The following UBE2R2 variants were observed in gnomAD, a reference collection of about 807,000 sequenced individuals.
UBE2R2 encodes the protein ubiquitin-conjugating enzyme E2 R2.
UBE2R2 carries 1 observed loss-of-function variant against 27.8 expected under a neutral mutation model. The ratio of observed to expected loss-of-function variants is 0.04; its 90% confidence interval spans 0.01 to 0.17. The LOEUF (loss-of-function observed/expected upper bound fraction) is 0.17, where lower values mean the gene tolerates loss of function less well. Ranked by LOEUF, UBE2R2 falls within the 10% of genes least tolerant of loss-of-function variation. The probability of loss-of-function intolerance (pLI) is 1.00; values close to 1 mark genes in which losing one functional copy is unlikely to be tolerated. For synonymous variants in UBE2R2, 106 were observed against 113.3 expected (o/e 0.94, Z 0.41); for missense variants, 100 against 291.0 (o/e 0.34, Z 4.78).
At chr9:33,870,341 C>T (rs1489421787) in intron 1 of UBE2R2, among the ~76,000 whole-genome samples, 2 of 152,124 alleles carry the variant, frequency 1.3e-5, no homozygotes, top group Non-Finnish European at 1.5e-5. Context: ...TGGGGTTTCA[C>T]CAAGTTGGCC....
Position 33,887,290 on chromosome 9 carries a change from T to C in UBE2R2, c.264+323T>C, listed in dbSNP as rs149558970. On this transcript the variant is annotated intron_variant, in intron 2 of 4. Coordinates refer to ENST00000263228, the MANE Select transcript of UBE2R2 (RefSeq NM_017811.4). ...TAGTAGATAATGTAATATAAATTTATTTGTGTGCCTATCCTCTAACTTCAC... is the reference window on the plus strand; with the variant it reads ...TAGTAGATAATGTAATATAAATTTACTTGTGTGCCTATCCTCTAACTTCAC... 8.5e-5 allele frequency among the ~76,000 whole-genome samples: 13 copies of C among 152,358 alleles called. No homozygotes were observed. In the East Asian group the frequency reaches 2.1e-3, roughly 25 times the overall value.
At chr9:33,890,212 A>G (rs995506859) in intron 2 of UBE2R2, among the ~76,000 whole-genome samples, 26 of 152,198 alleles carry the variant, frequency 1.7e-4, no homozygotes, top group Admixed American at 1.2e-3. Context: ...TTCCATATTC[A>G]TAATGAATTT....
intron 1 of UBE2R2, among the ~76,000 whole-genome samples, chr9:33,842,134 T>C (rs928262060): frequency 1.1e-4 from 16 of 152,154 alleles, no homozygotes; most frequent in Non-Finnish European, 2.1e-4. Flanking sequence ...GCAAAGTGGC[T>C]CATACTTGTA....
At chr9:33,843,397 A>G (rs1820773416) in intron 1 of UBE2R2, among the ~76,000 whole-genome samples, 1 of 151,964 alleles carries the variant, frequency 6.6e-6, no homozygotes, top group Non-Finnish European at 1.5e-5. Flanking sequence ...CTTCATTAGT[A>G]GTAATGCAGC....
intron 1 of UBE2R2, among the ~76,000 whole-genome samples, chr9:33,886,282 T>C (rs1277172772): frequency 1.3e-5 from 2 of 152,232 alleles, no homozygotes; most frequent in African/African-American, 4.8e-5. Flanking sequence ...GAGTACTGTT[T>C]TTCACTTGTG....
At chr9:33,825,283 C>G (rs1431512166) in intron 1 of UBE2R2, among the ~76,000 whole-genome samples, 1 of 146,482 alleles carries the variant, frequency 6.8e-6, no homozygotes, top group Non-Finnish European at 1.5e-5. Context: ...TCTCTGTTAC[C>G]CAAGCTGGAG....
At chr9:33,864,220 A>G (rs1821310290) in intron 1 of UBE2R2, among the ~76,000 whole-genome samples, 1 of 152,170 alleles carries the variant, frequency 6.6e-6, no homozygotes, top group African/African-American at 2.4e-5. Context: ...ACGGAAAGGA[A>G]AAACTTCTTA....
At chr9:33,907,277 CT>C (rs1822376075) in intron 3 of UBE2R2, among the ~76,000 whole-genome samples, 1 of 152,100 alleles carries the variant, frequency 6.6e-6, no homozygotes, top group African/African-American at 2.4e-5. Flanking sequence ...TTTGCCTGTC[CT>C]TTTTTTCTGT....
intron 1 of UBE2R2, among the ~76,000 whole-genome samples, chr9:33,865,254 T>G (rs1407628200): frequency 6.6e-6 from 1 of 151,992 alleles, no homozygotes; most frequent in Non-Finnish European, 1.5e-5. Context: ...CAGGCTGGAG[T>G]GCAGTGGTGC....
intron 1 of UBE2R2, among the ~76,000 whole-genome samples, chr9:33,858,128 C>A (rs1821149224): frequency 6.6e-6 from 1 of 152,156 alleles, no homozygotes; most frequent in Non-Finnish European, 1.5e-5. Context: ...TCACATATCT[C>A]TATATAGTAC....
chr9:33,904,332 G>A (rs1822306279), intron 3 of UBE2R2, among the ~76,000 whole-genome samples: 1 of 152,120 alleles, frequency 6.6e-6, no homozygotes, highest in Non-Finnish European at 1.5e-5. Flanking sequence ...ACTGTCTAAG[G>A]GTTCTGGGCT....
intron 4 of UBE2R2, 35 bp from the exon 5 acceptor site, chr9:33,916,983 T>G: frequency 6.2e-7 from 1 of 1,608,206 alleles, no homozygotes; most frequent in Non-Finnish European, 8.5e-7. Context: ...AAAAAAGACT[T>G]ACCGTAAACC....
chr9:33,910,584 C>T (rs1352143031), intron 3 of UBE2R2, among the ~76,000 whole-genome samples: 1 of 152,228 alleles, frequency 6.6e-6, no homozygotes, highest in Non-Finnish European at 1.5e-5. Flanking sequence ...ATCTAACTTG[C>T]TCACCATTGT....
intron 1 of UBE2R2, among the ~76,000 whole-genome samples, chr9:33,848,514 TTTCAA>T (rs1820893559): frequency 6.6e-6 from 1 of 152,154 alleles, no homozygotes; most frequent in South Asian, 2.1e-4. Context: ...GGGTTACAGT[TTTCAA>T]AAGACTTAGT....
At chr9:33,823,938 C>T (rs1587423287) in intron 1 of UBE2R2, among the ~76,000 whole-genome samples, 1 of 152,100 alleles carries the variant, frequency 6.6e-6, no homozygotes, top group Non-Finnish European at 1.5e-5. Context: ...TTTGAAACTA[C>T]CTCTTAGGGC....
At chr9:33,836,653 A>C (rs181305877) in intron 1 of UBE2R2, among the ~76,000 whole-genome samples, 1 of 152,172 alleles carries the variant, frequency 6.6e-6, no homozygotes, top group Admixed American at 6.6e-5. Context: ...GCTACTCGGG[A>C]GGCAGAGGCA....
Position 33,920,296 on chromosome 9 carries a change from C to T in UBE2R2, c.*3059C>T, listed in dbSNP as rs1001464693. On this transcript the variant is annotated 3_prime_UTR_variant, in exon 5 of 5. Coordinates refer to ENST00000263228, the MANE Select transcript of UBE2R2 (RefSeq NM_017811.4). ...TAACTTATGAGAAAAGATTATCTGA[C>T]GGATTTTGTGTTGACTTCCCCTTTA... is the stretch of plus-strand genomic sequence containing the variant. 4.6e-5 allele frequency: 7 copies of T among 152,302 alleles called. No individual in the cohort carries two copies. In the South Asian group the frequency reaches 6.2e-4, roughly 14 times the overall value. The allele number at this position is 152,302 out of a possible 1,614,324, so 9.4% of individuals were successfully genotyped here.
chr9:33,825,412 T>A (rs1162149923), intron 1 of UBE2R2, among the ~76,000 whole-genome samples: 1 of 152,022 alleles, frequency 6.6e-6, no homozygotes, highest in Non-Finnish European at 1.5e-5. Flanking sequence ...GACTAATTTT[T>A]GTATTTTTAG....
At chr9:33,884,235 T>TCTCTCTCTCTCTCTC (rs71506145) in intron 1 of UBE2R2, among the ~76,000 whole-genome samples, 35 of 110,812 alleles carry the variant, frequency 3.2e-4, no homozygotes, top group Non-Finnish European at 4.0e-4. Flanking sequence ...TCTCTCTCTC[T>TCTCTCTCTCTCTCTC]TCCCCCTCTC....
Sources: allele counts gnomAD v4.1 joint callset (sites outside exome capture counted in the v4.1 genomes callset), GRCh38; gene constraint gnomAD v4.1.1; transcripts MANE v1.5; gene names NCBI Gene and HGNC (gene_info 2026-07-23, HGNC 2026-07-21).